The following SRGAP2 variants were observed in gnomAD, a reference collection of about 807,000 sequenced individuals.
The protein encoded by SRGAP2 is SLIT-ROBO Rho GTPase activating protein 2, also known as SLIT-ROBO Rho GTPase-activating protein 2.
Under a neutral mutation model 57.2 loss-of-function variants are expected in SRGAP2, and 15 were observed. The ratio of observed to expected loss-of-function variants is 0.26; its 90% CI spans 0.18 to 0.40. The LOEUF (loss-of-function observed/expected upper bound fraction) is 0.40, where lower values mean the gene tolerates loss of function less well. Ranked by LOEUF, SRGAP2 falls within the 10% of genes least tolerant of loss-of-function variation. The pLI, the probability that SRGAP2 is intolerant of heterozygous loss-of-function variation, is 1.00. For synonymous variants in SRGAP2, 249 were observed against 248.0 expected, an observed-to-expected ratio of 1.00 and a Z score of -0.04; for missense variants, 520 against 669.6, an observed-to-expected ratio of 0.78 and a Z score of 2.47.
At chr1:206,291,354 A>T (rs1356225163) in intron 2 of SRGAP2, among the ~76,000 whole-genome samples, 5,399 of 152,226 alleles carry the variant, frequency 0.035, 148 homozygotes, top group South Asian at 0.072. Context: ...CTTTTAATGG[A>T]GGCTTACTAG....
At chr1:206,287,281 C>T (rs1461961080) in intron 2 of SRGAP2, among the ~76,000 whole-genome samples, 8 of 150,710 alleles carry the variant, frequency 5.3e-5, no homozygotes, top group African/African-American at 2.0e-4. Context: ...GTTCTAGGTA[C>T]CTGTTAGATG....
intron 18 of SRGAP2, among the ~76,000 whole-genome samples, chr1:206,449,286 A>ATTTTTTTGTTTTT (rs1489255492): frequency 9.0e-5 from 10 of 110,706 alleles, no homozygotes; most frequent in African/African-American, 1.1e-4. Flanking sequence ...ACACTGGATG[A>ATTTTTTTGTTTTT]TTTTTTTTTT....
intron 18 of SRGAP2, among the ~76,000 whole-genome samples, chr1:206,449,286 ATTTTTTTTTTTT>A (rs35698284): frequency 1.9e-4 from 21 of 110,680 alleles, no homozygotes; most frequent in African/African-American, 7.0e-4. Context: ...ACACTGGATG[ATTTTTTTTTTTT>A]TTTTTTTTTT....
intron 4 of SRGAP2, among the ~76,000 whole-genome samples, chr1:206,359,838 G>A (rs1343280038): frequency 2.9e-5 from 3 of 102,920 alleles, no homozygotes; most frequent in African/African-American, 4.4e-5. Flanking sequence ...ACGGAGTCTC[G>A]CTCTGTCGCC....
chr1:206,231,478 G>A lies in SRGAP2; in HGVS notation c.67+25441G>A, dbSNP rs61815488. Among the ~76,000 whole-genome samples, 5 of 152,064 alleles carry A rather than the reference G, an allele frequency of 3.3e-5. No homozygotes were observed. In the South Asian group the frequency reaches 6.2e-4, roughly 19 times the overall value. ...TCAAAAGGTTGAAGCACCTCCAGTT[G>A]GACCTACTTAACAATTTTGCTTAGC... On this transcript the variant is annotated intron_variant, in intron 2 of 22. Transcript: ENST00000573034.
chr1:206,399,830 A>G (rs1458725894), intron 7 of SRGAP2, among the ~76,000 whole-genome samples: 2 of 152,210 alleles, frequency 1.3e-5, no homozygotes, highest in African/African-American at 4.8e-5. Context: ...ATGCCCGTGC[A>G]GAGTCCTAAT....
chr1:206,440,017 G>A lies in SRGAP2; in HGVS notation c.1810G>A (p.Val604Ile). Residue 604 changes from valine (V) to isoleucine (I), a missense_variant, in exon 17 of 23, where the codon GTC (valine) becomes ATC (isoleucine). Coordinates refer to ENST00000573034, the MANE Select transcript of SRGAP2 (RefSeq NM_015326.5). ...LQERALHIRK[V>I]LLVLPKTTLI... ...GGAGAGAGCTCTGCACATCCGGAAA[G>A]TCCTCCTAGTCCTGCCCAAAACCAC... The A allele has an allele frequency of 1.3e-6, 1 of 780,906 alleles. No homozygotes were observed. The highest frequency in any genetic ancestry group is 1.7e-5 in the African/African-American group (1 of 59,268). 48.4% of individuals were successfully genotyped at this position (780,906 alleles called of 1,614,324 possible). A position where few individuals can be genotyped will look rare whatever the true frequency, so the allele number is the denominator to read the frequency against.
At chr1:206,414,029 C>CTTTTTTTTTTTTTT (rs201058533) in intron 10 of SRGAP2, among the ~76,000 whole-genome samples, 1 of 145,152 alleles carries the variant, frequency 6.9e-6, no homozygotes, top group African/African-American at 2.7e-5. Flanking sequence ...TTTTCTTTTT[C>CTTTTTTTTTTTTTT]TTTCTTTTTT....
At chr1:206,398,765 GA>G (rs1245252156) in intron 7 of SRGAP2, among the ~76,000 whole-genome samples, 1 of 152,224 alleles carries the variant, frequency 6.6e-6, no homozygotes, top group Non-Finnish European at 1.5e-5. Context: ...CTTGTCATAT[GA>G]AAGCTGTAGA....
intron 5 of SRGAP2, among the ~76,000 whole-genome samples, chr1:206,386,940 C>T (rs1242371599): frequency 4.6e-5 from 7 of 151,556 alleles, no homozygotes; most frequent in Non-Finnish European, 8.8e-5. Flanking sequence ...CTGGCTAACA[C>T]GGTGAAAACC....
intron 18 of SRGAP2, among the ~76,000 whole-genome samples, chr1:206,450,102 C>T (rs1663134174): frequency 6.6e-6 from 1 of 152,158 alleles, no homozygotes; most frequent in South Asian, 2.1e-4. Context: ...TTGAGTTGTT[C>T]TCTATTTTCT....
chr1:206,370,552 C>T lies in SRGAP2; in HGVS notation c.424-13462C>T, dbSNP rs1362114392. Among the ~76,000 whole-genome samples the T allele has an allele frequency of 3.3e-5, 5 of 152,152 alleles. No individual in the cohort carries two copies. The East Asian group carries it at 9.7e-4, about 29-fold the overall frequency. On this transcript the variant is annotated intron_variant, in intron 4 of 22. Coordinates refer to ENST00000573034, the MANE Select transcript of SRGAP2 (RefSeq NM_015326.5). ...TAGTAAATGTCCAGAGTATGCAAAT[C>T]TATAGAGACAGAAAGTAGATTAGTG...
At chr1:206,325,856 G>A (rs1673840774) in intron 3 of SRGAP2, among the ~76,000 whole-genome samples, 1 of 152,196 alleles carries the variant, frequency 6.6e-6, no homozygotes, top group South Asian at 2.1e-4. Flanking sequence ...CTGGGCATCA[G>A]TCCACCCCTA....
At chr1:206,446,331 G>T in intron 18 of SRGAP2, 32 bp downstream of exon 18, 3 of 779,242 alleles carry the variant, frequency 3.8e-6, no homozygotes, top group East Asian at 2.4e-5. Context: ...GGAGGGGAGG[G>T]ATTCACTAGC....
chr1:206,458,916 A>C lies in SRGAP2; in HGVS notation c.2801A>C (p.His934Pro). 1.3e-6 allele frequency: 1 copy of C among 778,432 alleles called. No homozygotes were observed. Among genetic ancestry groups the C allele is most frequent in the Non-Finnish European group, 2.4e-6 (1 of 416,820 alleles). The allele number at this position is 778,432 out of a possible 1,614,324, so 48.2% of individuals were successfully genotyped here. A position where few individuals can be genotyped will look rare whatever the true frequency, so the allele number is the denominator to read the frequency against. Residue 934 changes from histidine (H) to proline (P), a missense_variant, in exon 22 of 23, where the codon CAT becomes CCT. Coordinates refer to ENST00000573034, the MANE Select transcript of SRGAP2 (RefSeq NM_015326.5). ...GGAAGGTCAAAAAGCTTCAATAACC[A>C]TCGGCCCATGGACCCTGAGGTCATT... The part of the protein sequence containing the change: ...TAGRSKSFNN[H>P]RPMDPEVIAQ...
rs782566200 is a variant in SRGAP2 at position 206,312,959 on chromosome 1, GT to G, written c.260+9497del. ...TTGATAATGCATTGGCTGTTTGTTT[GT>G]TTTTTTTTTTAAATAGACTTGCTGT... On this transcript the variant is annotated intron_variant, in intron 3 of 22. Coordinates refer to ENST00000573034, the MANE Select transcript of SRGAP2 (RefSeq NM_015326.5). Among the ~76,000 whole-genome samples the G allele has an allele frequency of 5.8e-4, 41 of 70,936 alleles. No homozygotes were observed. In the East Asian group the frequency reaches 7.5e-3, roughly 13 times the overall value. The allele number at this position is 70,936 out of a possible 152,430, so 46.5% of individuals were successfully genotyped here. A position where few individuals can be genotyped will look rare whatever the true frequency, so the allele number is the denominator to read the frequency against.
rs1429068464 is a variant in SRGAP2 at position 206,275,616 on chromosome 1, A to T, written c.68-27665A>T. Among the ~76,000 whole-genome samples, 416 of 123,114 alleles carry T rather than the reference A, an allele frequency of 3.4e-3. 9 individuals are homozygous for T. The highest frequency in any genetic ancestry group is 0.012 in the African/African-American group (371 of 29,702). The allele number at this position is 123,114 out of a possible 152,430, so 80.8% of individuals were successfully genotyped here. A position where few individuals can be genotyped will look rare whatever the true frequency, so the allele number is the denominator to read the frequency against. On this transcript the variant is annotated intron_variant, in intron 2 of 22. Transcript: ENST00000573034. ...CTTCTTTTTAATTTTTTAAATTTAA[A>T]TTTTTTTTTTTTTTTTTGAGACAGA...
At chr1:206,423,091 G>A (rs1456994309) in intron 13 of SRGAP2, among the ~76,000 whole-genome samples, 1 of 152,136 alleles carries the variant, frequency 6.6e-6, no homozygotes, top group African/African-American at 2.4e-5. Flanking sequence ...GTCTTTAATG[G>A]GTTCCGGTCA....
At chr1:206,231,492 A>G (rs1256354328) in intron 2 of SRGAP2, among the ~76,000 whole-genome samples, 7 of 151,978 alleles carry the variant, frequency 4.6e-5, no homozygotes, top group Non-Finnish European at 7.4e-5. Flanking sequence ...CTACTTAACA[A>G]TTTTGCTTAG....
Sources: gnomAD v4.1 joint callset for allele counts (sites outside exome capture counted in the v4.1 genomes callset) on GRCh38, gnomAD v4.1.1 for gene constraint, MANE v1.5 for transcripts, NCBI Gene and HGNC (gene_info 2026-07-23, HGNC 2026-07-21) for gene names.